The following AIMP1 variants were observed in gnomAD, a reference collection of about 807,000 sequenced individuals.
AIMP1 encodes aminoacyl tRNA synthetase complex interacting multifunctional protein 1.
Under a neutral mutation model 33.1 loss-of-function variants are expected in AIMP1, and 24 were observed. That is an observed-to-expected ratio of 0.73 (90% CI 0.53 to 1.02). The LOEUF is 1.02. Ranked by LOEUF, AIMP1 falls within the 50% of genes least tolerant of loss-of-function variation. The pLI is 0.00. For missense variants in AIMP1, 367 were observed against 364.8 expected (o/e 1.01, Z -0.05); for synonymous variants, 120 against 121.5 (o/e 0.99, Z 0.08).
chr4:106,325,197 TTTAAG>T, intron 2 of AIMP1, 79 bp downstream of exon 2: 1 of 1,268,618 alleles, frequency 7.9e-7, no homozygotes, highest in Non-Finnish European at 1.1e-6. Flanking sequence ...TGTTTACCGC[TTTAAG>T]TTATTTAAGT....
intron 5 of AIMP1, among the ~76,000 whole-genome samples, chr4:106,334,068 G>A (rs1057499297): frequency 6.6e-6 from 1 of 152,094 alleles, no homozygotes; most frequent in South Asian, 2.1e-4. Context: ...TGGTGCTTCA[G>A]AGATATTGCA....
At chr4:106,331,238 T>C (rs1477635756) in intron 4 of AIMP1, among the ~76,000 whole-genome samples, 1 of 152,206 alleles carries the variant, frequency 6.6e-6, no homozygotes, top group African/African-American at 2.4e-5. Context: ...TAAAAGTTTT[T>C]AGAGGAGTCT....
At position 106,336,462 on chromosome 4, in the gene AIMP1, C is replaced by T. The variant is rs1466203933; in HGVS notation, c.604-407C>T. Among the ~76,000 whole-genome samples, 6 of 152,088 alleles carry T rather than the reference C, an allele frequency of 3.9e-5. No individual in the cohort carries two copies. The East Asian group carries it at 1.2e-3, about 29-fold the overall frequency. On this transcript the variant is annotated intron_variant, in intron 5 of 6. Coordinates refer to ENST00000672341, the MANE Select transcript of AIMP1 (RefSeq NM_001142416.2). ...TTTAATTCTAATGCTAGGCTAAATG[C>T]TTTATTATGCATGTTATGATTTAAT...
intron 5 of AIMP1, among the ~76,000 whole-genome samples, chr4:106,332,509 A>G (rs1312536159): frequency 1.3e-5 from 2 of 151,390 alleles, no homozygotes; most frequent in African/African-American, 4.8e-5. Flanking sequence ...TTCACATGCT[A>G]TTTTATTTCT....
chr4:106,316,240 C>T (rs1768848984), upstream of AIMP1: 1 of 290,688 alleles, frequency 3.4e-6, no homozygotes, highest in Non-Finnish European at 6.5e-6. Flanking sequence ...TTTTCTTCCG[C>T]CCTCACAGCC....
intron 6 of AIMP1, among the ~76,000 whole-genome samples, chr4:106,339,739 A>T (rs1288872515): frequency 1.3e-5 from 2 of 152,228 alleles, no homozygotes; most frequent in Admixed American, 6.5e-5. Flanking sequence ...AAAATCTCTT[A>T]TGCTGTAGAT....
intron 6 of AIMP1, 30 bp from the exon 7 acceptor site, chr4:106,347,496 A>G: frequency 1.9e-6 from 3 of 1,599,756 alleles, no homozygotes; most frequent in Non-Finnish European, 1.7e-6. Flanking sequence ...TAGCTGTGTA[A>G]TTTTCTTGTG....
intron 6 of AIMP1, 118 bp downstream of exon 6, chr4:106,337,155 C>G: frequency 1.1e-6 from 1 of 937,858 alleles, no homozygotes; most frequent in Non-Finnish European, 1.7e-6. Context: ...CATTAATGAC[C>G]ATTATTAACT....
chr4:106,334,276 CTTTT>C (rs34085907), intron 5 of AIMP1, among the ~76,000 whole-genome samples: 1 of 139,296 alleles, frequency 7.2e-6, no homozygotes. Context: ...TTTCTTTTTT[CTTTT>C]TTTTTTTTTT....
At chr4:106,319,019 A>G (rs866355907) in intron 1 of AIMP1, among the ~76,000 whole-genome samples, 10 of 152,254 alleles carry the variant, frequency 6.6e-5, no homozygotes, top group Middle Eastern at 6.8e-3. Context: ...GGCATTTTAG[A>G]TTTCTTGTAT....
chr4:106,321,965 C>T (rs1420291165), intron 1 of AIMP1, among the ~76,000 whole-genome samples: 2 of 131,452 alleles, frequency 1.5e-5, no homozygotes, highest in Non-Finnish European at 3.5e-5. Context: ...CTCTCTGAAA[C>T]ATGTGCTGTG....
chr4:106,322,011 C>A (rs367866928), intron 1 of AIMP1, among the ~76,000 whole-genome samples: 1 of 148,348 alleles, frequency 6.7e-6, no homozygotes, highest in Admixed American at 6.7e-5. Context: ...CTCTCTGAAA[C>A]GTGCTGTGTC....
chr4:106,326,975 C>G (rs1423908992), intron 2 of AIMP1, among the ~76,000 whole-genome samples: 1 of 152,040 alleles, frequency 6.6e-6, no homozygotes, highest in Non-Finnish European at 1.5e-5. Context: ...ATGGGTTTTG[C>G]CATGTTGCCC....
rs772791686 is a variant in AIMP1, at chr4:106,325,164, A to G, written c.109+46A>G. 75 of 1,499,536 alleles carry G rather than the reference A, an allele frequency of 5.0e-5. No homozygotes were observed. The Admixed American group carries it at 1.0e-3, about 20-fold the overall frequency. 92.9% of individuals were successfully genotyped at this position (1,499,536 alleles called of 1,614,324 possible). A position where few individuals can be genotyped will look rare whatever the true frequency, so the allele number is the denominator to read the frequency against. ...TTGAGGAGATACTTAAAATGAATTC[A>G]TACATTGATGGAGAAAAAATAATGT... On this transcript the variant is annotated intron_variant, in intron 2 of 6. Transcript: ENST00000672341.
chr4:106,322,705 G>C (rs979486371), intron 1 of AIMP1, among the ~76,000 whole-genome samples: 1 of 152,048 alleles, frequency 6.6e-6, no homozygotes, highest in East Asian at 1.9e-4. Context: ...GAGTCTGGGC[G>C]CCAGTGCAAT....
At chr4:106,321,224 G>A (rs1366662165) in intron 1 of AIMP1, 3 of 161,242 alleles carry the variant, frequency 1.9e-5, no homozygotes, top group African/African-American at 7.2e-5. Flanking sequence ...GGGATGTGAG[G>A]AGCCCCTCTG....
intron 6 of AIMP1, among the ~76,000 whole-genome samples, chr4:106,340,271 A>G (rs976139965): frequency 7.4e-5 from 11 of 149,370 alleles, no homozygotes; most frequent in African/African-American, 2.7e-4. Context: ...AATTAAACTA[A>G]GGTTTTTTGG....
In AIMP1 at chr4:106,349,259, AATTAT is replaced by A. The variant is rs1770409116; in HGVS notation, c.*1572_*1576del. The A allele has an allele frequency of 6.6e-6, 1 of 151,746 alleles. No individual in the cohort carries two copies. The highest frequency in any genetic ancestry group is 2.4e-5 in the African/African-American group (1 of 41,354). 9.4% of individuals were successfully genotyped at this position (151,746 alleles called of 1,614,324 possible). A position where few individuals can be genotyped will look rare whatever the true frequency, so the allele number is the denominator to read the frequency against. On this transcript the variant is annotated 3_prime_UTR_variant, in exon 7 of 7. Coordinates refer to ENST00000672341, the MANE Select transcript of AIMP1 (RefSeq NM_001142416.2). The stretch of plus-strand genomic sequence containing the variant: ...TGAGTTTTTTGCTCTAATTTTTCTC[AATTAT>A]ATTAAATTTCTTTAATATAATTTAA...
In AIMP1 at chr4:106,347,717, T is replaced by C. The variant is rs1178434290; in HGVS notation, c.*25T>C. On this transcript the variant is annotated 3_prime_UTR_variant, in exon 7 of 7. Coordinates refer to ENST00000672341, the MANE Select transcript of AIMP1 (RefSeq NM_001142416.2). The stretch of plus-strand genomic sequence containing the variant: ...AAATGCTTCCACTACCAAAAGACAT[T>C]AGAGAAAACCTTAAAAGTAATAAAG... 3 of 1,606,726 alleles carry C rather than the reference T, an allele frequency of 1.9e-6. No individual in the cohort carries two copies. The highest frequency in any genetic ancestry group is 8.5e-7 in the Non-Finnish European group (1 of 1,176,202).
Sources: gnomAD v4.1 joint callset for allele counts (sites outside exome capture counted in the v4.1 genomes callset) on GRCh38, gnomAD v4.1.1 for gene constraint, MANE v1.5 for transcripts, NCBI Gene and HGNC (gene_info 2026-07-23, HGNC 2026-07-21) for gene names.